The following HACE1 variants were observed in gnomAD, a reference collection of about 807,000 sequenced individuals.
HACE1 encodes E3 ubiquitin-protein ligase HACE1.
In HACE1, 73 loss-of-function variants were observed where a neutral mutation model predicts 118.4. The ratio of observed to expected loss-of-function variants is 0.62; its 90% CI spans 0.51 to 0.75. The LOEUF (loss-of-function observed/expected upper bound fraction) is 0.75, where lower values mean the gene tolerates loss of function less well. HACE1 is among the 30% of genes least tolerant of loss of function. The pLI, the probability that HACE1 is intolerant of heterozygous loss-of-function variation, is 0.00. For synonymous variants in HACE1, 368 were observed against 374.8 expected, an observed-to-expected ratio of 0.98 and a Z score of 0.21; for missense variants, 749 against 1,102.2, an observed-to-expected ratio of 0.68 and a Z score of 4.54.
chr6:104,767,296 T>C (rs1283497593), intron 19 of HACE1, among the ~76,000 whole-genome samples: 2 of 152,210 alleles, frequency 1.3e-5, no homozygotes, highest in East Asian at 1.9e-4. Context: ...CAGTTATCCT[T>C]GAGTCCTTCC....
intron 3 of HACE1, among the ~76,000 whole-genome samples, chr6:104,849,484 T>G (rs1036801938): frequency 6.8e-6 from 1 of 147,920 alleles, no homozygotes; most frequent in Non-Finnish European, 1.5e-5. Context: ...CTTACAGGCA[T>G]GAGCCACCAC....
intron 5 of HACE1, among the ~76,000 whole-genome samples, chr6:104,836,415 C>T (rs1044722866): frequency 9.9e-5 from 15 of 152,084 alleles, no homozygotes; most frequent in African/African-American, 3.6e-4. Context: ...ATACAAACTG[C>T]GAAGAAAGAA....
Position 104,856,432 on chromosome 6 carries a change from T to C in HACE1, c.76+3135A>G, listed in dbSNP as rs1463132115. 5.5e-5 allele frequency among the ~76,000 whole-genome samples: 8 copies of C among 146,304 alleles called. No homozygotes were observed. In the South Asian group the frequency reaches 1.5e-3, roughly 27 times the overall value. On this transcript the variant is annotated intron_variant, in intron 1 of 23. Coordinates refer to ENST00000262903, the MANE Select transcript of HACE1 (RefSeq NM_020771.4). ...ACACTAACAACATACACCTTCCTTT[T>C]ATTTATGTGTTTTTTTTTTGAGACT...
In HACE1 at chr6:104,776,820, A is replaced by G. The variant is rs760888256; in HGVS notation, c.1785T>C (p.Gly595=). Reference sequence around the variant, plus strand: ...GAATATCAAACCACTCACGCACAACACCTTGACCCTGAATTCAAGAAATAA... The same window carrying G: ...GAATATCAAACCACTCACGCACAACGCCTTGACCCTGAATTCAAGAAATAA... The part of the protein sequence containing the change: ...RFHGEEGMGQ[G]VVREWFDILS... The change falls in exon 17 of 24, where the codon GGT becomes GGC. Residue 595 remains glycine (G), a synonymous_variant. Coordinates refer to ENST00000262903, the MANE Select transcript of HACE1 (RefSeq NM_020771.4). 1 of 1,602,032 alleles carries G rather than the reference A, an allele frequency of 6.2e-7. No individual in the cohort carries two copies.
At chr6:104,830,231 G>A (rs905893998) in intron 6 of HACE1, among the ~76,000 whole-genome samples, 1 of 152,072 alleles carries the variant, frequency 6.6e-6, no homozygotes, top group Non-Finnish European at 1.5e-5. Flanking sequence ...TCTCTAATAT[G>A]CAATAGTGCC....
At chr6:104,729,935 T>C (rs552672489) in intron 23 of HACE1, among the ~76,000 whole-genome samples, 171 bp from the exon 24 acceptor site, 1 of 152,298 alleles carries the variant, frequency 6.6e-6, no homozygotes, top group African/African-American at 2.4e-5. Context: ...ATCTGCTGCA[T>C]TGCAGTTTCT....
At chr6:104,852,214 T>TGC (rs1325237677) in intron 2 of HACE1, 103 bp downstream of exon 2, 35 of 701,764 alleles carry the variant, frequency 5.0e-5, no homozygotes, top group Non-Finnish European at 9.2e-5. Context: ...TGTGTGTGTG[T>TGC]GTGTGTGTGT....
intron 1 of HACE1, among the ~76,000 whole-genome samples, chr6:104,853,293 G>A (rs1401667048): frequency 1.3e-5 from 2 of 152,156 alleles, no homozygotes; most frequent in Non-Finnish European, 2.9e-5. Flanking sequence ...TATCCAGTCT[G>A]TGGTATTGTT....
At chr6:104,773,410 T>C (rs1780850418) in intron 17 of HACE1, among the ~76,000 whole-genome samples, 1 of 152,212 alleles carries the variant, frequency 6.6e-6, no homozygotes, top group African/African-American at 2.4e-5. Flanking sequence ...ATATAAGGTA[T>C]AAATTTGCAA....
At chr6:104,797,225 T>A (rs1582517672) in intron 7 of HACE1, among the ~76,000 whole-genome samples, 200 bp from the exon 8 acceptor site, 1 of 152,244 alleles carries the variant, frequency 6.6e-6, no homozygotes, top group East Asian at 1.9e-4. Flanking sequence ...ATGTGACCTA[T>A]TAAATTTTAG....
chr6:104,834,008 G>T (rs955800530), intron 5 of HACE1, among the ~76,000 whole-genome samples: 2 of 152,024 alleles, frequency 1.3e-5, no homozygotes, highest in African/African-American at 4.8e-5. Context: ...GCTGGCCATG[G>T]TGGCATACAC....
chr6:104,812,297 G>GA (rs1771709134), intron 6 of HACE1, among the ~76,000 whole-genome samples: 2 of 152,006 alleles, frequency 1.3e-5, no homozygotes, highest in African/African-American at 4.8e-5. Context: ...TAAAAAATGA[G>GA]CTAGTCATGG....
intron 5 of HACE1, among the ~76,000 whole-genome samples, chr6:104,835,234 G>A (rs1774406436): frequency 6.6e-6 from 1 of 152,140 alleles, no homozygotes; most frequent in South Asian, 2.1e-4. Flanking sequence ...CATGCTGACA[G>A]CCTTCAAATA....
chr6:104,850,771 C>A, intron 3 of HACE1, 136 bp downstream of exon 3: 2 of 759,010 alleles, frequency 2.6e-6, no homozygotes, highest in Non-Finnish European at 4.9e-6. Context: ...TAGCACACCA[C>A]GCGCTCAAAC....
At chr6:104,742,011 T>C (rs1373333548) in intron 22 of HACE1, among the ~76,000 whole-genome samples, 6 of 147,940 alleles carry the variant, frequency 4.1e-5, no homozygotes, top group South Asian at 2.1e-4. Flanking sequence ...ACGCCACGTA[T>C]CTACAACTAT....
intron 22 of HACE1, among the ~76,000 whole-genome samples, chr6:104,737,303 AAAAAG>A (rs1489072063): frequency 6.6e-6 from 1 of 151,086 alleles, no homozygotes; most frequent in Non-Finnish European, 1.5e-5. Context: ...AAAAAAAAAA[AAAAAG>A]AAAATTTGGG....
At chr6:104,820,890 T>C (rs1009307242) in intron 6 of HACE1, among the ~76,000 whole-genome samples, 1 of 152,166 alleles carries the variant, frequency 6.6e-6, no homozygotes, top group Admixed American at 6.5e-5. Context: ...CATGCACACA[T>C]ATGTTCACTG....
chr6:104,848,454 C>CAAAA, intron 4 of HACE1, among the ~76,000 whole-genome samples: 1 of 86,534 alleles, frequency 1.2e-5, no homozygotes, highest in African/African-American at 4.4e-5. Flanking sequence ...GACCCCATCT[C>CAAAA]AAAAAAAAAA....
chr6:104,814,649 T>C (rs1262804536), intron 6 of HACE1, among the ~76,000 whole-genome samples: 1 of 137,130 alleles, frequency 7.3e-6, no homozygotes, highest in Admixed American at 7.2e-5. Context: ...GAGGGTGATA[T>C]GGGTTGGATT....
Sources: allele counts gnomAD v4.1 joint callset (sites outside exome capture counted in the v4.1 genomes callset), GRCh38; gene constraint gnomAD v4.1.1; transcripts MANE v1.5; gene names NCBI Gene and HGNC (gene_info 2026-07-23, HGNC 2026-07-21).